PTPRQ: variants seen among roughly 807,000 people sequenced by gnomAD.
The protein encoded by PTPRQ is protein tyrosine phosphatase receptor type Q.
A neutral mutation model predicts 246.0 loss-of-function variants in PTPRQ; 199 were observed. The ratio of observed to expected loss-of-function variants is 0.81; its 90% CI spans 0.72 to 0.91. The LOEUF (loss-of-function observed/expected upper bound fraction) is 0.91, where lower values mean the gene tolerates loss of function less well. Among genes scored for constraint, PTPRQ ranks in the 40% least tolerant of loss-of-function variants. The pLI is 0.00. For synonymous variants in PTPRQ, 869 were observed against 853.2 expected (o/e 1.02, Z -0.32); for missense variants, 2,624 against 2,528.4 (o/e 1.04, Z -0.81).
intron 39 of PTPRQ, among the ~76,000 whole-genome samples, chr12:80,659,924 C>G (rs1293944332): frequency 5.9e-5 from 9 of 151,924 alleles, no homozygotes; most frequent in Non-Finnish European, 2.9e-5. Context: ...AGAGAAATCT[C>G]CTTTGCTCAG....
chr12:80,465,546 C>G (rs1326281093), intron 6 of PTPRQ: 1 of 152,188 alleles, frequency 6.6e-6, no homozygotes, highest in African/African-American at 2.4e-5. Context: ...GGTAGAGACA[C>G]AACCAAAAAA....
At chr12:80,612,259 T>TATC (rs1898579984) in intron 28 of PTPRQ, among the ~76,000 whole-genome samples, 1 of 150,262 alleles carries the variant, frequency 6.7e-6, no homozygotes, top group African/African-American at 2.4e-5. Flanking sequence ...AGCTGTTATT[T>TATC]ATCTAAAATA....
At chr12:80,514,202 T>C (rs1895209300) in intron 17 of PTPRQ, among the ~76,000 whole-genome samples, 1 of 152,094 alleles carries the variant, frequency 6.6e-6, no homozygotes, top group Non-Finnish European at 1.5e-5. Context: ...TTTTGACTGA[T>C]GGAAATTTCC....
chr12:80,659,769 A>G (rs761955933), intron 39 of PTPRQ, among the ~76,000 whole-genome samples: 2 of 152,096 alleles, frequency 1.3e-5, no homozygotes, highest in Non-Finnish European at 2.9e-5. Flanking sequence ...GTTGTAATAT[A>G]ATAAATCTTA....
chr12:80,671,129 A>T (rs1397072273), intron 42 of PTPRQ, among the ~76,000 whole-genome samples: 3 of 152,230 alleles, frequency 2.0e-5, no homozygotes, highest in Admixed American at 2.0e-4. Flanking sequence ...CTCAATATGT[A>T]ATTTAAATGA....
chr12:80,509,074 A>G (rs1555190389), intron 16 of PTPRQ, among the ~76,000 whole-genome samples: 1 of 152,066 alleles, frequency 6.6e-6, no homozygotes, highest in Non-Finnish European at 1.5e-5. Flanking sequence ...ATCTTGGGAA[A>G]CAGACATCTC....
intron 3 of PTPRQ, among the ~76,000 whole-genome samples, chr12:80,455,211 T>C (rs1592523471): frequency 2.0e-5 from 3 of 152,274 alleles, no homozygotes; most frequent in Middle Eastern, 6.8e-3. Flanking sequence ...CAGATAGCTT[T>C]TGCTCTTTGC....
chr12:80,454,957 A>C (rs1157394013), intron 3 of PTPRQ, among the ~76,000 whole-genome samples: 1 of 152,158 alleles, frequency 6.6e-6, no homozygotes, highest in Non-Finnish European at 1.5e-5. Context: ...CGGGCGGATC[A>C]CCTGAGGAGT....
chr12:80,495,390 T>TTG lies in PTPRQ; in HGVS notation c.1882+21_1882+22dup. The TTG allele has an allele frequency of 6.7e-7, 1 of 1,488,782 alleles. No homozygotes were observed. Among genetic ancestry groups the TTG allele is most frequent in the Non-Finnish European group, 8.9e-7 (1 of 1,124,364 alleles). 92.2% of individuals were successfully genotyped at this position (1,488,782 alleles called of 1,614,324 possible). A position where few individuals can be genotyped will look rare whatever the true frequency, so the allele number is the denominator to read the frequency against. On this transcript the variant is annotated intron_variant, in intron 12 of 44. Transcript: ENST00000644991. ...ATAACAGGTAGAAAACAATGTTTTG[T>TTG]TGTTGTTGTTGTTGTTCATTTTACA... is the stretch of plus-strand genomic sequence containing the variant.
chr12:80,528,431 T>C (rs568808722), intron 17 of PTPRQ, among the ~76,000 whole-genome samples: 7 of 152,180 alleles, frequency 4.6e-5, no homozygotes, highest in African/African-American at 1.7e-4. Context: ...CCTCAATAAA[T>C]ACTTGTTGAA....
intron 8 of PTPRQ, among the ~76,000 whole-genome samples, chr12:80,479,666 A>G (rs1365578571): frequency 7.0e-6 from 1 of 141,990 alleles, no homozygotes; most frequent in African/African-American, 2.8e-5. Context: ...GGCTCAAAAT[A>G]AAAGGATGGA....
intron 35 of PTPRQ, among the ~76,000 whole-genome samples, chr12:80,645,614 G>C (rs1289984850): frequency 6.6e-6 from 1 of 151,470 alleles, no homozygotes; most frequent in Non-Finnish European, 1.5e-5. Flanking sequence ...CCTTAATGCA[G>C]GGACTTAAAT....
chr12:80,505,052 A>G (rs1380114889), intron 14 of PTPRQ, among the ~76,000 whole-genome samples: 1 of 151,848 alleles, frequency 6.6e-6, no homozygotes, highest in Admixed American at 6.6e-5. Flanking sequence ...TTAAAGTTGC[A>G]TTCTTTGGGG....
In PTPRQ at chr12:80,673,158, C is replaced by A. The variant is rs1427001091; in HGVS notation, c.6603-11C>A. On this transcript the variant is annotated splice_polypyrimidine_tract_variant and intron_variant, in intron 42 of 44. Transcript: ENST00000644991. ...GCTGAATAATTTTCATGTAATTTAC[C>A]CTTCCTGTAGTGCTGGAGTTGGAAG... The A allele has an allele frequency of 1.9e-6, 3 of 1,549,432 alleles. No homozygotes were observed. In the South Asian group the frequency reaches 3.6e-5, roughly 18 times the overall value.
At chr12:80,466,961 T>A (rs1893442834) in intron 6 of PTPRQ, among the ~76,000 whole-genome samples, 1 of 152,058 alleles carries the variant, frequency 6.6e-6, no homozygotes, top group Non-Finnish European at 1.5e-5. Context: ...GGACTTCATG[T>A]CTAAAACACC....
At chr12:80,645,185 T>A (rs1900028510) in intron 35 of PTPRQ, among the ~76,000 whole-genome samples, 2 of 152,128 alleles carry the variant, frequency 1.3e-5, no homozygotes, top group African/African-American at 4.8e-5. Context: ...TGCCTATTTG[T>A]TTATCACTTG....
At chr12:80,634,791 A>C (rs1242919252) in intron 34 of PTPRQ, 154 bp from the exon 35 acceptor site, 2 of 1,093,758 alleles carry the variant, frequency 1.8e-6, no homozygotes, top group Non-Finnish European at 1.2e-6. Context: ...CAAGAAAAAG[A>C]AGTCGAGTAG....
intron 28 of PTPRQ, 26 bp from the exon 29 acceptor site, chr12:80,613,566 A>C (rs1898635298): frequency 2.0e-6 from 3 of 1,473,822 alleles, no homozygotes; most frequent in Non-Finnish European, 2.7e-6. Context: ...ATTTTTAAAA[A>C]TTAATTGTTA....
At chr12:80,648,747 A>T (rs991918286) in intron 35 of PTPRQ, 150 bp from the exon 36 acceptor site, 1 of 556,154 alleles carries the variant, frequency 1.8e-6, no homozygotes. Context: ...AAAAATAAAT[A>T]AAATTTAAAA....
Sources: gnomAD v4.1 joint callset for allele counts (sites outside exome capture counted in the v4.1 genomes callset) on GRCh38, gnomAD v4.1.1 for gene constraint, MANE v1.5 for transcripts, NCBI Gene and HGNC (gene_info 2026-07-23, HGNC 2026-07-21) for gene names.